PLEKHA1: variants seen among roughly 807,000 people sequenced by gnomAD.
PLEKHA1 encodes pleckstrin homology domain-containing family A member 1.
Under a neutral mutation model 52.0 loss-of-function variants are expected in PLEKHA1, and 34 were observed. That is an observed-to-expected ratio of 0.65 (90% CI 0.50 to 0.87). PLEKHA1 has a LOEUF of 0.87. PLEKHA1 is among the 40% of genes least tolerant of loss of function. The probability of loss-of-function intolerance (pLI) is 0.00; values close to 1 mark genes in which losing one functional copy is unlikely to be tolerated. For synonymous variants in PLEKHA1, 163 were observed against 170.7 expected (o/e 0.95, Z 0.35); for missense variants, 497 against 504.2 (o/e 0.99, Z 0.14).
chr10:122,424,566 T>A (rs947183875), intron 9 of PLEKHA1, among the ~76,000 whole-genome samples: 10 of 152,198 alleles, frequency 6.6e-5, no homozygotes, highest in African/African-American at 2.4e-4. Flanking sequence ...GGTTAGGCCA[T>A]CAGATTTGAC....
At chr10:122,405,090 T>C (rs1365834376) in intron 4 of PLEKHA1, among the ~76,000 whole-genome samples, 2 of 152,290 alleles carry the variant, frequency 1.3e-5, no homozygotes, top group South Asian at 2.1e-4. Context: ...GAGTGGACTA[T>C]GATAGTTTAT....
At chr10:122,397,826 T>G in intron 2 of PLEKHA1, 92 bp from the exon 3 acceptor site, 2 of 1,034,746 alleles carry the variant, frequency 1.9e-6, no homozygotes, top group Non-Finnish European at 2.8e-6. Context: ...AAAATTGAGT[T>G]TTTAACTTTT....
intron 8 of PLEKHA1, chr10:122,423,311 C>G (rs1299073472): frequency 6.6e-6 from 1 of 151,284 alleles, no homozygotes; most frequent in Non-Finnish European, 1.5e-5. Flanking sequence ...GTAATTTCAG[C>G]TACTTGGGAG....
intron 3 of PLEKHA1, 132 bp from the exon 4 acceptor site, chr10:122,400,211 T>G: frequency 1.5e-6 from 1 of 650,670 alleles, no homozygotes; most frequent in Non-Finnish European, 2.5e-6. Flanking sequence ...TTAGTTGTCT[T>G]TAATTTTAAG....
the PLEKHA1 span, chr10:122,440,910 T>C: frequency 2.0e-5 from 3 of 152,192 alleles, no homozygotes; most frequent in African/African-American, 7.2e-5. Flanking sequence ...CCTTTCATAC[T>C]TAATGTATGT....
At chr10:122,399,883 C>A (rs980896734) in intron 3 of PLEKHA1, among the ~76,000 whole-genome samples, 2 of 152,174 alleles carry the variant, frequency 1.3e-5, no homozygotes, top group Non-Finnish European at 2.9e-5. Flanking sequence ...CTGTGCCCAG[C>A]CTAGATTTGT....
intron 1 of PLEKHA1, among the ~76,000 whole-genome samples, chr10:122,379,230 G>C (rs1267236610): frequency 1.3e-5 from 2 of 152,146 alleles, no homozygotes; most frequent in Non-Finnish European, 2.9e-5. Context: ...TCGGGGTGGA[G>C]ATCTTTTCTC....
At chr10:122,411,567 A>C (rs764156255) in intron 5 of PLEKHA1, among the ~76,000 whole-genome samples, 20 of 152,198 alleles carry the variant, frequency 1.3e-4, no homozygotes, top group Non-Finnish European at 2.4e-4. Flanking sequence ...CCTGCCTCAA[A>C]AATGTCTGGT....
chr10:122,391,566 G>A (rs2096775921), intron 1 of PLEKHA1, among the ~76,000 whole-genome samples: 1 of 152,068 alleles, frequency 6.6e-6, no homozygotes, highest in Non-Finnish European at 1.5e-5. Context: ...GAAATCAGTT[G>A]ACTATAGATG....
intron 1 of PLEKHA1, among the ~76,000 whole-genome samples, chr10:122,391,779 T>A (rs2096779429): frequency 6.6e-6 from 1 of 152,150 alleles, no homozygotes; most frequent in Non-Finnish European, 1.5e-5. Context: ...TTAAAGAAAT[T>A]ATTTCCTTTA....
In PLEKHA1 at chr10:122,430,321, C is replaced by A. The variant is rs1351978091; in HGVS notation, c.*383C>A. The A allele has an allele frequency of 6.1e-6, 1 of 163,844 alleles. No homozygotes were observed. Among genetic ancestry groups the A allele is most frequent in the East Asian group, 1.8e-4 (1 of 5,558 alleles). The allele number at this position is 163,844 out of a possible 1,614,324, so 10.1% of individuals were successfully genotyped here. On this transcript the variant is annotated 3_prime_UTR_variant, in exon 12 of 12. Coordinates refer to ENST00000368990, the MANE Select transcript of PLEKHA1 (RefSeq NM_001001974.4). ...CATTTAAAAAATGCTACAATGACTT[C>A]CTATTAAAGGTTCAATATTTACACA...
Position 122,393,573 on chromosome 10 carries a change from C to T in PLEKHA1, c.141+232C>T, listed in dbSNP as rs1169854958. Reference sequence around the variant, plus strand: ...AATGCTTCTGTATATATTTTTCCCTCGAGAGAGAAATACTCTCTCTGGTGG... The same window carrying T: ...AATGCTTCTGTATATATTTTTCCCTTGAGAGAGAAATACTCTCTCTGGTGG... On this transcript the variant is annotated intron_variant, in intron 2 of 11. Transcript: ENST00000368990. The surrounding 1 kb of genome is among the most constrained non-coding windows in gnomAD (Gnocchi z 4.5). Among the ~76,000 whole-genome samples, 1 of 151,996 alleles carries T rather than the reference C, an allele frequency of 6.6e-6. No homozygotes were observed. Among genetic ancestry groups the T allele is most frequent in the Non-Finnish European group, 1.5e-5 (1 of 68,010 alleles).
At chr10:122,396,909 G>T (rs1030655745) in intron 2 of PLEKHA1, among the ~76,000 whole-genome samples, 1 of 151,904 alleles carries the variant, frequency 6.6e-6, no homozygotes, top group Non-Finnish European at 1.5e-5. Context: ...TTTATTATAA[G>T]ATATATTATA....
chr10:122,418,845 A>G (rs1262095304), intron 8 of PLEKHA1: 2 of 152,156 alleles, frequency 1.3e-5, no homozygotes, highest in Non-Finnish European at 1.5e-5. Flanking sequence ...AAGGGAACTT[A>G]TACTTTGTTT....
chr10:122,389,011 G>A (rs1252540733), intron 1 of PLEKHA1, among the ~76,000 whole-genome samples: 2 of 152,146 alleles, frequency 1.3e-5, no homozygotes, highest in African/African-American at 2.4e-5. Flanking sequence ...AGTCATCCAC[G>A]AGAGTTGGAA....
rs1458002024 is a variant in PLEKHA1 at position 122,406,562 on chromosome 10, T to C, written c.245-14T>C. ...AAGTACAATATTTGGTGTGTTATTT[T>C]TTTCTGTCAACAGTTATGAATGCAG... On this transcript the variant is annotated splice_polypyrimidine_tract_variant and intron_variant, in intron 4 of 11. Coordinates refer to ENST00000368990, the MANE Select transcript of PLEKHA1 (RefSeq NM_001001974.4). The C allele has an allele frequency of 6.3e-7, 1 of 1,592,072 alleles. No individual in the cohort carries two copies. The highest frequency in any genetic ancestry group is 8.6e-7 in the Non-Finnish European group (1 of 1,161,142).
chr10:122,417,645 CAAAA>C (rs373627172), intron 7 of PLEKHA1, among the ~76,000 whole-genome samples: 1 of 94,258 alleles, frequency 1.1e-5, no homozygotes, highest in African/African-American at 3.9e-5. Flanking sequence ...GACTCTGTCT[CAAAA>C]AAAAAAAAAA....
chr10:122,395,705 A>G lies in PLEKHA1; in HGVS notation c.142-2213A>G, dbSNP rs371385238. Among the ~76,000 whole-genome samples, 134 of 152,138 alleles carry G rather than the reference A, an allele frequency of 8.8e-4. 1 individual carries two copies. In the South Asian group the frequency reaches 0.013, roughly 14 times the overall value. On this transcript the variant is annotated intron_variant, in intron 2 of 11. Coordinates refer to ENST00000368990, the MANE Select transcript of PLEKHA1 (RefSeq NM_001001974.4). Reference sequence around the variant, plus strand: ...GAAAGAAAATTAGTTTGATTCCTCTATTATTAGGAAGCCACTTCTTCCCCT... The same window carrying G: ...GAAAGAAAATTAGTTTGATTCCTCTGTTATTAGGAAGCCACTTCTTCCCCT...
intron 1 of PLEKHA1, chr10:122,386,909 CTTT>C (rs2133846820): frequency 6.6e-6 from 1 of 152,098 alleles, no homozygotes; most frequent in Non-Finnish European, 1.5e-5. Context: ...TTCAGATTTT[CTTT>C]TTTGTCTTGT....
Sources: allele counts gnomAD v4.1 joint callset (sites outside exome capture counted in the v4.1 genomes callset), GRCh38; gene constraint gnomAD v4.1.1; non-coding constraint Gnocchi (gnomAD v3.1); transcripts MANE v1.5; gene names NCBI Gene and HGNC (gene_info 2026-07-23, HGNC 2026-07-21).